The following CDYL variants were observed in gnomAD, a reference collection of about 807,000 sequenced individuals.
The protein encoded by CDYL is chromodomain Y-like protein.
In CDYL, 8 loss-of-function variants were observed where a neutral mutation model predicts 47.3. That is an observed-to-expected ratio of 0.17 (90% CI 0.10 to 0.31). CDYL has a LOEUF of 0.31. Among genes scored for constraint, CDYL ranks in the 10% least tolerant of loss-of-function variants. The pLI, the probability that CDYL is intolerant of heterozygous loss-of-function variation, is 1.00. For synonymous variants in CDYL, 266 were observed against 265.0 expected, an observed-to-expected ratio of 1.00 and a Z score of -0.04; for missense variants, 471 against 701.4, an observed-to-expected ratio of 0.67 and a Z score of 3.71.
At chr6:4,827,124 T>C (rs1218855817) in intron 1 of CDYL, among the ~76,000 whole-genome samples, 3 of 152,240 alleles carry the variant, frequency 2.0e-5, no homozygotes, top group Non-Finnish European at 4.4e-5. Flanking sequence ...ACCTCCAGCT[T>C]TCTCTTGCTT....
chr6:4,953,315 C>T (rs938868752), intron 6 of CDYL, among the ~76,000 whole-genome samples: 30 of 151,554 alleles, frequency 2.0e-4, no homozygotes, highest in Non-Finnish European at 3.2e-4. Flanking sequence ...ACCCGGGAGG[C>T]GGAGATTGCA....
intron 2 of CDYL, among the ~76,000 whole-genome samples, chr6:4,903,037 A>G (rs1049802463): frequency 2.6e-5 from 4 of 152,214 alleles, no homozygotes; most frequent in Non-Finnish European, 5.9e-5. Context: ...TTGCGTGTAC[A>G]TGAGTGAGTT....
intron 1 of CDYL, among the ~76,000 whole-genome samples, chr6:4,816,516 T>A (rs1196071947): frequency 3.4e-5 from 5 of 146,314 alleles, no homozygotes; most frequent in African/African-American, 1.1e-4. Context: ...TTTTTTTTTT[T>A]AATGGAGTCT....
chr6:4,948,132 C>A (rs1447268127), intron 5 of CDYL, among the ~76,000 whole-genome samples: 1 of 152,198 alleles, frequency 6.6e-6, no homozygotes. Context: ...AAAGAATCCT[C>A]ATCCTCTGGA....
At chr6:4,707,842 A>G (rs1757074216) in intron 1 of CDYL, among the ~76,000 whole-genome samples, 1 of 152,150 alleles carries the variant, frequency 6.6e-6, no homozygotes, top group African/African-American at 2.4e-5. Flanking sequence ...AAGACTATAA[A>G]TTTGCCTTTA....
intron 1 of CDYL, among the ~76,000 whole-genome samples, chr6:4,846,442 T>C (rs928441951): frequency 6.6e-6 from 1 of 152,226 alleles, no homozygotes; most frequent in Non-Finnish European, 1.5e-5. Flanking sequence ...GGATTTACAC[T>C]ATACATGACA....
intron 1 of CDYL, among the ~76,000 whole-genome samples, chr6:4,813,877 G>A (rs1013465589): frequency 9.9e-5 from 15 of 151,658 alleles, no homozygotes; most frequent in Non-Finnish European, 2.2e-4. Flanking sequence ...AGGCTCCAAC[G>A]ATCCTTCCAC....
chr6:4,892,450 G>A, intron 2 of CDYL, 71 bp downstream of exon 2: 1 of 1,474,344 alleles, frequency 6.8e-7, no homozygotes, highest in East Asian at 2.3e-5. Flanking sequence ...TAGAGATCAG[G>A]CCTTGAGCTG....
At chr6:4,903,676 C>T (rs1201329793) in intron 2 of CDYL, among the ~76,000 whole-genome samples, 3 of 152,218 alleles carry the variant, frequency 2.0e-5, no homozygotes, top group Non-Finnish European at 4.4e-5. Flanking sequence ...TCCCCTCTCC[C>T]GCTTTGTGTG....
chr6:4,817,637 AT>A (rs1452688889), intron 1 of CDYL, among the ~76,000 whole-genome samples: 8 of 152,282 alleles, frequency 5.3e-5, no homozygotes, highest in African/African-American at 1.9e-4. Context: ...TCTGGACTTT[AT>A]TCTGCCCAGT....
intron 3 of CDYL, among the ~76,000 whole-genome samples, chr6:4,756,811 T>C (rs1047772352): frequency 6.6e-6 from 1 of 152,196 alleles, no homozygotes; most frequent in Admixed American, 6.5e-5. Flanking sequence ...AAATTAAGAA[T>C]ATATGAATTC....
chr6:4,739,467 C>T (rs905705457), intron 3 of CDYL, among the ~76,000 whole-genome samples: 25 of 145,756 alleles, frequency 1.7e-4, no homozygotes, highest in African/African-American at 5.9e-4. Flanking sequence ...TGCAGTGAGC[C>T]GAGATCTCGC....
At chr6:4,725,509 G>A (rs1757493769) in intron 2 of CDYL, among the ~76,000 whole-genome samples, 1 of 152,246 alleles carries the variant, frequency 6.6e-6, no homozygotes, top group Admixed American at 6.5e-5. Flanking sequence ...AAGGCCCGGC[G>A]AGAAGTCGAG....
chr6:4,912,283 A>T (rs1374062583), intron 2 of CDYL, among the ~76,000 whole-genome samples: 1 of 152,142 alleles, frequency 6.6e-6, no homozygotes, highest in African/African-American at 2.4e-5. Context: ...GGTTTTGGTG[A>T]ATCTGATTTG....
At chr6:4,884,313 G>A (rs1268825299) in intron 1 of CDYL, among the ~76,000 whole-genome samples, 3 of 152,122 alleles carry the variant, frequency 2.0e-5, no homozygotes, top group African/African-American at 7.2e-5. Context: ...CAGGATGCCG[G>A]GAAGCATGGT....
chr6:4,733,102 C>G (rs1343452096), intron 2 of CDYL: 3 of 152,300 alleles, frequency 2.0e-5, no homozygotes, highest in Non-Finnish European at 4.4e-5. Context: ...ATTCCCTATA[C>G]ACATGAGTGT....
chr6:4,909,718 C>T (rs1025172986), intron 2 of CDYL, among the ~76,000 whole-genome samples: 3 of 151,984 alleles, frequency 2.0e-5, no homozygotes, highest in Non-Finnish European at 4.4e-5. Context: ...CTACAGGCTC[C>T]CACCACCACG....
chr6:4,759,326 T>C (rs1758133412), intron 3 of CDYL, among the ~76,000 whole-genome samples: 1 of 152,184 alleles, frequency 6.6e-6, no homozygotes, highest in Admixed American at 6.6e-5. Flanking sequence ...TTTTCATATG[T>C]GTATCTTTCC....
chr6:4,904,256 T>C (rs1370452881), intron 2 of CDYL, among the ~76,000 whole-genome samples: 1 of 152,354 alleles, frequency 6.6e-6, no homozygotes, highest in African/African-American at 2.4e-5. Context: ...TGACACCGAA[T>C]GAATGAGATA....
Sources: gnomAD v4.1 joint callset for allele counts (sites outside exome capture counted in the v4.1 genomes callset) on GRCh38, gnomAD v4.1.1 for gene constraint, MANE v1.5 for transcripts, NCBI Gene and HGNC (gene_info 2026-07-23, HGNC 2026-07-21) for gene names.